Variants in HCK observed in about 807,000 individuals in gnomAD.
The protein encoded by HCK is HCK proto-oncogene, Src family tyrosine kinase, also known as tyrosine-protein kinase HCK.
HCK carries 40 observed loss-of-function variants against 70.4 expected under a neutral mutation model. That is an observed-to-expected ratio of 0.57 (90% CI 0.44 to 0.74). The LOEUF (loss-of-function observed/expected upper bound fraction) is 0.74, where lower values mean the gene tolerates loss of function less well. HCK is among the 30% of genes least tolerant of loss of function. The probability of loss-of-function intolerance (pLI) is 0.00; values close to 1 mark genes in which losing one functional copy is unlikely to be tolerated. For missense variants in HCK, 568 were observed against 697.2 expected (o/e 0.81, Z 2.09); for synonymous variants, 245 against 263.2 (o/e 0.93, Z 0.67).
intron 4 of HCK, among the ~76,000 whole-genome samples, chr20:32,074,054 G>A (rs1327967064): frequency 6.6e-6 from 1 of 152,176 alleles, no homozygotes; most frequent in Non-Finnish European, 1.5e-5. Context: ...CGCTTTCTCA[G>A]GGAAGCCTTT....
chr20:32,092,948 C>CTT (rs140468269), intron 10 of HCK, among the ~76,000 whole-genome samples: 1 of 151,858 alleles, frequency 6.6e-6, no homozygotes, highest in African/African-American at 2.4e-5. Context: ...TTTGTTTTAT[C>CTT]TTTTTTTTCT....
At chr20:32,082,515 G>A (rs933092235) in intron 6 of HCK, among the ~76,000 whole-genome samples, 15 of 152,010 alleles carry the variant, frequency 9.9e-5, no homozygotes, top group South Asian at 4.2e-4. Context: ...AGTGGCGGGC[G>A]TCTGTAATCC....
chr20:32,061,174 G>A (rs1057011213), intron 1 of HCK, among the ~76,000 whole-genome samples: 1 of 152,124 alleles, frequency 6.6e-6, no homozygotes, highest in African/African-American at 2.4e-5. Context: ...AGTAGAGACG[G>A]GGTTTCACCA....
rs2045757167 is a variant in HCK at position 32,084,600 on chromosome 20, A to T, written c.835+57A>T. ...AGAGGGTGGAGGGGAGAGGGAGGCCACTTGCTTCCAGGAACACCTTATGGC... is the reference window on the plus strand; with the variant it reads ...AGAGGGTGGAGGGGAGAGGGAGGCCTCTTGCTTCCAGGAACACCTTATGGC... On this transcript the variant is annotated intron_variant, in intron 8 of 12. Transcript: ENST00000375852. The T allele has an allele frequency of 3.3e-6, 5 of 1,507,390 alleles. No homozygotes were observed. In the Admixed American group the frequency reaches 1.0e-4, roughly 30 times the overall value. The allele number at this position is 1,507,390 out of a possible 1,614,324, so 93.4% of individuals were successfully genotyped here.
intron 1 of HCK, among the ~76,000 whole-genome samples, chr20:32,059,237 G>A (rs951272811): frequency 1.5e-4 from 23 of 152,062 alleles, no homozygotes; most frequent in African/African-American, 5.6e-4. Context: ...CTTATAGAAT[G>A]AGTAATCCAA....
At chr20:32,099,350 CTTTTTTTTT>C (rs71336559) in intron 12 of HCK, among the ~76,000 whole-genome samples, 1 of 85,134 alleles carries the variant, frequency 1.2e-5, no homozygotes, top group African/African-American at 6.5e-5. Context: ...ACTCCTATGA[CTTTTTTTTT>C]TTTTTTTTTT....
At chr20:32,076,311 A>G (rs916315761) in intron 5 of HCK, among the ~76,000 whole-genome samples, 1 of 151,872 alleles carries the variant, frequency 6.6e-6, no homozygotes, top group Non-Finnish European at 1.5e-5. Flanking sequence ...CTGGGGGACA[A>G]GAGCGATACT....
At chr20:32,100,758 C>T (rs2046022211) in intron 12 of HCK, among the ~76,000 whole-genome samples, 1 of 152,190 alleles carries the variant, frequency 6.6e-6, no homozygotes. Context: ...ATCTGGCCAC[C>T]TGAATGTTTT....
chr20:32,090,386 G>C (rs1200747910), intron 10 of HCK, among the ~76,000 whole-genome samples: 6 of 152,256 alleles, frequency 3.9e-5, no homozygotes, highest in African/African-American at 1.2e-4. Flanking sequence ...CAGAGAGGCA[G>C]CTTGGAGCAG....
chr20:32,097,467 T>C (rs2045972349), intron 11 of HCK, among the ~76,000 whole-genome samples: 1 of 151,868 alleles, frequency 6.6e-6, no homozygotes, highest in South Asian at 2.1e-4. Flanking sequence ...TAGTCCCAGC[T>C]ACTTGGGAGA....
chr20:32,100,320 G>T (rs1341345813), intron 12 of HCK, among the ~76,000 whole-genome samples: 2 of 152,230 alleles, frequency 1.3e-5, no homozygotes, highest in African/African-American at 4.8e-5. Flanking sequence ...AGGGAACAGG[G>T]TGGCAGCCAG....
Position 32,084,551 on chromosome 20 carries a change from C to T in HCK, c.835+8C>T. 7 of 1,611,072 alleles carry T rather than the reference C, an allele frequency of 4.3e-6. No homozygotes were observed. The highest frequency in any genetic ancestry group is 5.9e-6 in the Non-Finnish European group (7 of 1,178,432). On this transcript the variant is annotated splice_region_variant and intron_variant, in intron 8 of 12. Coordinates refer to ENST00000375852, the MANE Select transcript of HCK (RefSeq NM_002110.5). ...TTGGGGAAGTCTGGATGGGTAAGGA[C>T]CCAGGGCCACAGCCCACAGGGCCAG...
At chr20:32,080,816 T>A (rs1420283351) in intron 6 of HCK, among the ~76,000 whole-genome samples, 1 of 152,138 alleles carries the variant, frequency 6.6e-6, no homozygotes, top group African/African-American at 2.4e-5. Context: ...TTGTTTTGGT[T>A]TTTTTAAATA....
intron 1 of HCK, among the ~76,000 whole-genome samples, chr20:32,057,165 G>A (rs984237261): frequency 6.6e-6 from 1 of 152,182 alleles, no homozygotes; most frequent in African/African-American, 2.4e-5. Flanking sequence ...GCTGCCCTGG[G>A]GGCTACACCT....
intron 9 of HCK, among the ~76,000 whole-genome samples, chr20:32,087,933 C>T (rs1235959815): frequency 6.6e-6 from 1 of 152,168 alleles, no homozygotes; most frequent in African/African-American, 2.4e-5. Flanking sequence ...TGAGCAACTG[C>T]GCCCAGCTTC....
intron 1 of HCK, among the ~76,000 whole-genome samples, chr20:32,060,378 G>A (rs1178200910): frequency 2.6e-5 from 4 of 152,116 alleles, no homozygotes; most frequent in South Asian, 2.1e-4. Flanking sequence ...CCACTACCAC[G>A]CCCAGCTAAT....
intron 9 of HCK, among the ~76,000 whole-genome samples, chr20:32,087,994 C>G (rs1233926871): frequency 6.6e-6 from 1 of 152,080 alleles, no homozygotes; most frequent in African/African-American, 2.4e-5. Flanking sequence ...CAGCTGGTCT[C>G]AAACTCCTGG....
At chr20:32,061,140 C>T (rs142623249) in intron 1 of HCK, among the ~76,000 whole-genome samples, 1,613 of 152,234 alleles carry the variant, frequency 0.011, 4 homozygotes, top group Middle Eastern at 0.02. Context: ...TGCGCCACCA[C>T]GCCCAGCTAA....
intron 11 of HCK, among the ~76,000 whole-genome samples, chr20:32,096,579 G>A (rs548447525): frequency 8.6e-5 from 13 of 150,392 alleles, no homozygotes; most frequent in Admixed American, 4.6e-4. Flanking sequence ...ATAGCTCACT[G>A]TAGCCTCCAA....
Sources: gnomAD v4.1 joint callset for allele counts (sites outside exome capture counted in the v4.1 genomes callset) on GRCh38, gnomAD v4.1.1 for gene constraint, MANE v1.5 for transcripts, NCBI Gene and HGNC (gene_info 2026-07-23, HGNC 2026-07-21) for gene names.